Variants in ATF7IP observed in about 807,000 individuals in gnomAD.
ATF7IP encodes the protein activating transcription factor 7 interacting protein.
Under a neutral mutation model 106.4 loss-of-function variants are expected in ATF7IP, and 23 were observed. That is an observed-to-expected ratio of 0.22 (90% CI 0.16 to 0.31). The LOEUF (loss-of-function observed/expected upper bound fraction) is 0.31. Ranked by LOEUF, ATF7IP falls within the 10% of genes least tolerant of loss-of-function variation. ATF7IP has a pLI of 1.00. For missense variants in ATF7IP, 1,334 were observed against 1,524.3 expected, an observed-to-expected ratio of 0.88 and a Z score of 2.08; for synonymous variants, 542 against 539.0, an observed-to-expected ratio of 1.01 and a Z score of -0.08.
intron 13 of ATF7IP, among the ~76,000 whole-genome samples, chr12:14,484,937 G>C (rs1944551932): frequency 6.6e-6 from 1 of 152,118 alleles, no homozygotes; most frequent in African/African-American, 2.4e-5. Context: ...ATAGTCAAAT[G>C]TTCAGTTTCC....
chr12:14,384,383 C>T (rs948218479), intron 1 of ATF7IP, among the ~76,000 whole-genome samples: 1 of 152,150 alleles, frequency 6.6e-6, no homozygotes, highest in Non-Finnish European at 1.5e-5. Flanking sequence ...TGTTGGAGCT[C>T]TTTCAAATTT....
At chr12:14,431,463 C>T (rs1006383395) in intron 2 of ATF7IP, among the ~76,000 whole-genome samples, 3 of 150,476 alleles carry the variant, frequency 2.0e-5, no homozygotes, top group East Asian at 3.9e-4. Flanking sequence ...GGTGCGATAT[C>T]GGCTCACTGC....
chr12:14,400,954 T>C (rs903732461), intron 1 of ATF7IP, among the ~76,000 whole-genome samples: 1 of 152,214 alleles, frequency 6.6e-6, no homozygotes, highest in Admixed American at 6.5e-5. Context: ...GTATTTTTTT[T>C]CCAACTGTTT....
At chr12:14,398,112 T>C (rs1939956326) in intron 1 of ATF7IP, among the ~76,000 whole-genome samples, 1 of 152,082 alleles carries the variant, frequency 6.6e-6, no homozygotes, top group South Asian at 2.1e-4. Context: ...CAAGGTTTTT[T>C]TCTGTTTTAA....
rs1238346433 is a variant in ATF7IP, at chr12:14,499,598, A to ACTT, written c.*1526_*1528dup. The ACTT allele has an allele frequency of 6.6e-6, 1 of 152,110 alleles. No individual in the cohort carries two copies. Among genetic ancestry groups the ACTT allele is most frequent in the African/African-American group, 2.4e-5 (1 of 41,406 alleles). The allele number at this position is 152,110 out of a possible 1,614,324, so 9.4% of individuals were successfully genotyped here. On this transcript the variant is annotated 3_prime_UTR_variant, in exon 15 of 15. Coordinates refer to ENST00000261168, the MANE Select transcript of ATF7IP (RefSeq NM_018179.5). ...TCGTCCTTCCCATTTTAACCTTTTA[A>ACTT]CTTTGTTTTGATGGTGCCAAGTTGA...
chr12:14,436,396 T>G, intron 4 of ATF7IP, 145 bp downstream of exon 4: 1 of 814,392 alleles, frequency 1.2e-6, no homozygotes, highest in Non-Finnish European at 1.9e-6. Context: ...GTTGAGCTTT[T>G]AAAGTCTATT....
In ATF7IP at chr12:14,498,712, A is replaced by T. The variant is rs1434915492; in HGVS notation, c.*639A>T. 1 of 152,560 alleles carries T rather than the reference A, an allele frequency of 6.6e-6. No individual in the cohort carries two copies. The highest frequency in any genetic ancestry group is 1.9e-4 in the East Asian group (1 of 5,200). 9.5% of individuals were successfully genotyped at this position (152,560 alleles called of 1,614,324 possible). On this transcript the variant is annotated 3_prime_UTR_variant, in exon 15 of 15. Coordinates refer to ENST00000261168, the MANE Select transcript of ATF7IP (RefSeq NM_018179.5). Reference sequence around the variant, plus strand: ...TTTACATTTATTTTGTGCCTTAAAGATTAACTACAAAGATAAACATGGCCA... The same window carrying T: ...TTTACATTTATTTTGTGCCTTAAAGTTTAACTACAAAGATAAACATGGCCA...
Position 14,498,924 on chromosome 12 carries a change from G to T in ATF7IP, c.*851G>T. The T allele has an allele frequency of 6.6e-6, 1 of 152,010 alleles. No homozygotes were observed. Among genetic ancestry groups the T allele is most frequent in the Non-Finnish European group, 1.5e-5 (1 of 68,170 alleles). The allele number at this position is 152,010 out of a possible 1,614,324, so 9.4% of individuals were successfully genotyped here. On this transcript the variant is annotated 3_prime_UTR_variant, in exon 15 of 15. Coordinates refer to ENST00000261168, the MANE Select transcript of ATF7IP (RefSeq NM_018179.5). ...TGCGGTGGCACAATCTTGGCTCACT[G>T]CAACCTCTGCCTCCTGGGTTCAAGC...
intron 12 of ATF7IP, among the ~76,000 whole-genome samples, chr12:14,479,372 T>C (rs1944360402): frequency 6.6e-6 from 1 of 152,216 alleles, no homozygotes; most frequent in Admixed American, 6.5e-5. Context: ...TTTTCAAGAT[T>C]TAGCCTGTAT....
In ATF7IP at chr12:14,501,906, C is replaced by T. The variant is rs950173221; in HGVS notation, c.*3833C>T. 6.6e-6 allele frequency: 1 copy of T among 152,188 alleles called. No homozygotes were observed. Among genetic ancestry groups the T allele is most frequent in the Non-Finnish European group, 1.5e-5 (1 of 68,034 alleles). The allele number at this position is 152,188 out of a possible 1,614,324, so 9.4% of individuals were successfully genotyped here. On this transcript the variant is annotated 3_prime_UTR_variant, in exon 15 of 15. Coordinates refer to ENST00000261168, the MANE Select transcript of ATF7IP (RefSeq NM_018179.5). Reference sequence around the variant, plus strand: ...TTATGCAACATGGTTAGGGTTAATACTGCATGGTATTCATTTATCTTGTTT... The same window carrying T: ...TTATGCAACATGGTTAGGGTTAATATTGCATGGTATTCATTTATCTTGTTT...
intron 9 of ATF7IP, among the ~76,000 whole-genome samples, chr12:14,464,658 G>C (rs1297489657): frequency 6.6e-6 from 1 of 152,080 alleles, no homozygotes; most frequent in Non-Finnish European, 1.5e-5. Context: ...TAGAAGAAAG[G>C]AAAAGCAATG....
chr12:14,466,474 A>T, intron 9 of ATF7IP, 52 bp from the exon 10 acceptor site: 1 of 1,447,370 alleles, frequency 6.9e-7, no homozygotes, highest in Non-Finnish European at 9.6e-7. Context: ...AAAGCAACTT[A>T]ACTTTTTACA....
intron 1 of ATF7IP, among the ~76,000 whole-genome samples, chr12:14,392,898 A>G (rs2136439627): frequency 6.6e-6 from 1 of 152,340 alleles, no homozygotes; most frequent in East Asian, 1.9e-4. Context: ...TTCATTTTTC[A>G]GGTAATTCAT....
chr12:14,455,107 G>A (rs988510007), intron 6 of ATF7IP, among the ~76,000 whole-genome samples: 4 of 151,814 alleles, frequency 2.6e-5, no homozygotes, highest in Admixed American at 2.0e-4. Context: ...GAGCCTGGGA[G>A]GCGGAGGCTA....
intron 9 of ATF7IP, among the ~76,000 whole-genome samples, chr12:14,463,217 T>C (rs1027278798): frequency 6.6e-6 from 1 of 152,142 alleles, no homozygotes; most frequent in African/African-American, 2.4e-5. Context: ...TCTATACTTA[T>C]GTGGGTATTA....
intron 13 of ATF7IP, among the ~76,000 whole-genome samples, chr12:14,494,333 A>ATATATATCTGTGTGTG: frequency 1.2e-5 from 1 of 86,038 alleles, no homozygotes; most frequent in South Asian, 3.7e-4. Context: ...ATATATATAT[A>ATATATATCTGTGTGTG]TGTGTGTGTG....
At chr12:14,487,398 C>T (rs1263238916) in intron 13 of ATF7IP, among the ~76,000 whole-genome samples, 1 of 152,104 alleles carries the variant, frequency 6.6e-6, no homozygotes, top group Admixed American at 6.5e-5. Context: ...CATCTAGAAG[C>T]AAAGAGAGGT....
At chr12:14,412,621 C>A (rs569803619) in intron 1 of ATF7IP, among the ~76,000 whole-genome samples, 2 of 152,074 alleles carry the variant, frequency 1.3e-5, no homozygotes, top group African/African-American at 4.8e-5. Context: ...CTTTGTTAAA[C>A]TCTTATTCTA....
At chr12:14,366,845 G>GT (rs974646360) in intron 1 of ATF7IP, among the ~76,000 whole-genome samples, 2 of 152,080 alleles carry the variant, frequency 1.3e-5, no homozygotes, top group Non-Finnish European at 2.9e-5. Flanking sequence ...AAAAAAATCT[G>GT]TTTTTTTCTT....
Sources: allele counts gnomAD v4.1 joint callset (sites outside exome capture counted in the v4.1 genomes callset), GRCh38; gene constraint gnomAD v4.1.1; transcripts MANE v1.5; gene names NCBI Gene and HGNC (gene_info 2026-07-23, HGNC 2026-07-21).